The following GDF1 variants were observed in gnomAD, a reference collection of about 807,000 sequenced individuals.
The protein encoded by GDF1 is growth differentiation factor 1, also known as embryonic growth/differentiation factor 1.
A neutral mutation model predicts 7.4 loss-of-function variants in GDF1; 8 were observed. The observed-to-expected ratio is 1.09, with a 90% CI of 0.64 to 1.96. The LOEUF is 1.96. GDF1 is among the 30% of genes most tolerant of loss of function. The probability of loss-of-function intolerance (pLI) is 0.00; values close to 1 mark genes in which losing one functional copy is unlikely to be tolerated. For missense variants in GDF1, 574 were observed against 551.5 expected, an observed-to-expected ratio of 1.04 and a Z score of -0.41; for synonymous variants, 311 against 276.7, an observed-to-expected ratio of 1.12 and a Z score of -1.23.
chr19:18,885,521 T>TTTG (rs1555705577), intron 2 of GDF1, among the ~76,000 whole-genome samples: 3,235 of 134,772 alleles, frequency 0.024, 145 homozygotes, highest in Non-Finnish European at 0.035. Flanking sequence ...GTTTTTTTTT[T>TTTG]TTTTTTTTTT....
Position 18,880,556 on chromosome 19 carries a change from C to T in GDF1, c.-732-121G>A, listed in dbSNP as rs370583896. ...AGGCTCCCCGTGGGCCTCTTCAAAG[C>T]CACCCTTCCTGCCTCGCCTGCCCTG... is the stretch of plus-strand genomic sequence containing the variant. On this transcript the variant is annotated intron_variant, in intron 3 of 7. Coordinates refer to ENST00000247005, the MANE Select transcript of GDF1 (RefSeq NM_001492.6). 1.9e-5 allele frequency: 18 copies of T among 954,176 alleles called. No homozygotes were observed. The East Asian group carries it at 4.5e-4, about 24-fold the overall frequency. The allele number at this position is 954,176 out of a possible 1,614,324, so 59.1% of individuals were successfully genotyped here.
At position 18,879,267 on chromosome 19, in the gene GDF1, TGAGCAGCAGCAG is replaced by T; in HGVS notation, c.-461_-450del. The T allele has an allele frequency of 6.2e-7, 1 of 1,613,240 alleles. No individual in the cohort carries two copies. Among genetic ancestry groups the T allele is most frequent in the East Asian group, 2.2e-5 (1 of 44,860 alleles). On this transcript the variant is annotated 5_prime_UTR_variant, in exon 5 of 8. Transcript: ENST00000247005. ...AGGAACCAGTAGAGGTTCATAAGGG[TGAGCAGCAGCAG>T]GAGCGCATTGAAGAAGAAGTAGAAG...
chr19:18,886,272 G>A (rs2056357105), intron 2 of GDF1, among the ~76,000 whole-genome samples: 1 of 152,090 alleles, frequency 6.6e-6, no homozygotes, highest in African/African-American at 2.4e-5. Context: ...AGCTGGGGCC[G>A]GGCGCAGTGG....
chr19:18,893,933 A>T (rs532379408), intron 1 of GDF1, among the ~76,000 whole-genome samples: 8 of 144,068 alleles, frequency 5.6e-5, no homozygotes, highest in Non-Finnish European at 4.5e-5. Flanking sequence ...TGAAGGGAAC[A>T]TGGAGGGGGT....
chr19:18,878,522 G>C lies in GDF1; in HGVS notation c.-313+408C>G. The C allele has an allele frequency of 9.8e-7, 1 of 1,015,562 alleles. No individual in the cohort carries two copies. Among genetic ancestry groups the C allele is most frequent in the Non-Finnish European group, 1.2e-6 (1 of 847,158 alleles). 62.9% of individuals were successfully genotyped at this position (1,015,562 alleles called of 1,614,324 possible). ...CTGGGTTCTCTCTGTGGCCCTTGGC[G>C]TTCCTTCCTCCCCAGCCCCACTGCC... On this transcript the variant is annotated intron_variant, in intron 6 of 7. Transcript: ENST00000247005. This position sits in a 1 kb window ranked among gnomAD's most constrained non-coding sequence, Gnocchi z 4.6.
Position 18,895,876 on chromosome 19 carries a change from C to T in GDF1, c.-1126G>A, listed in dbSNP as rs1281696639. The stretch of plus-strand genomic sequence containing the variant: ...GCGCAGGGCGGTCCAGCCCAGCGCG[C>T]CGAGCGCCAGCAGCAGCAGCTCGGG... On this transcript the variant is annotated 5_prime_UTR_variant, in exon 1 of 8. Transcript: ENST00000247005. This position sits in a 1 kb window ranked among gnomAD's most constrained non-coding sequence, Gnocchi z 6.4. The T allele has an allele frequency of 1.6e-6, 2 of 1,284,748 alleles. No individual in the cohort carries two copies. Among genetic ancestry groups the T allele is most frequent in the South Asian group, 2.1e-5 (1 of 47,600 alleles). The allele number at this position is 1,284,748 out of a possible 1,614,324, so 79.6% of individuals were successfully genotyped here.
At position 18,895,978 on chromosome 19, in the gene GDF1, G is replaced by A. The variant is rs1387898936; in HGVS notation, c.-1228C>T. The A allele has an allele frequency of 9.5e-7, 1 of 1,052,026 alleles. No individual in the cohort carries two copies. 65.2% of individuals were successfully genotyped at this position (1,052,026 alleles called of 1,614,324 possible). ...GCAGTCCGTGCAGCCCCGCGCCGCC[G>A]CCAGCGCGCTGCCCCAGCCGCGCTG... On this transcript the variant is annotated 5_prime_UTR_variant, in exon 1 of 8. Coordinates refer to ENST00000247005, the MANE Select transcript of GDF1 (RefSeq NM_001492.6). The surrounding 1 kb of genome is among the most constrained non-coding windows in gnomAD (Gnocchi z 6.4).
rs577117307 is a variant in GDF1, at chr19:18,873,149, C to T, written c.-312-2530G>A. 7.9e-5 allele frequency among the ~76,000 whole-genome samples: 12 copies of T among 152,178 alleles called. No individual in the cohort carries two copies. The South Asian group carries it at 1.7e-3, about 21-fold the overall frequency. On this transcript the variant is annotated intron_variant, in intron 6 of 7. Coordinates refer to ENST00000247005, the MANE Select transcript of GDF1 (RefSeq NM_001492.6). ...TTTTGCCCCAAATTGCTGTCAACAC[C>T]GATAGACTAGTGTTGACACTAGTCT...
intron 2 of GDF1, among the ~76,000 whole-genome samples, chr19:18,890,873 T>A (rs1194132284): frequency 6.7e-6 from 1 of 149,776 alleles, no homozygotes; most frequent in African/African-American, 2.5e-5. Context: ...CCTGTAATCC[T>A]GACACTTTGG....
chr19:18,891,561 C>A (rs1405289662), intron 2 of GDF1, among the ~76,000 whole-genome samples: 1 of 152,052 alleles, frequency 6.6e-6, no homozygotes, highest in Non-Finnish European at 1.5e-5. Flanking sequence ...GACACAGCCA[C>A]TTCTTATCAT....
intron 6 of GDF1, chr19:18,877,975 C>T (rs1370824037): frequency 1.0e-6 from 1 of 985,374 alleles, no homozygotes; most frequent in East Asian, 1.1e-4. Context: ...GATGGGTTCT[C>T]CCTTCCAAAC....
intron 7 of GDF1, 109 bp downstream of exon 7, chr19:18,869,874 G>C (rs1198951966): frequency 2.2e-5 from 24 of 1,080,904 alleles, no homozygotes; most frequent in Admixed American, 8.0e-5. Context: ...GCCTGGACAG[G>C]GCGGGTGGGG....
chr19:18,869,055 G>C lies in GDF1; in HGVS notation c.661C>G (p.Pro221Ala), dbSNP rs1374868661. The change falls in exon 8 of 8, where the codon CCC becomes GCC. Residue 221 changes from proline to alanine, a missense_variant. Physicochemically the swap from Pro to Ala is conservative, Grantham distance 27. Transcript: ENST00000247005. ...CGCGCGCAGGCGGCAGGGGCCCGGGGGCGTAGCGCCAGCGCCAGGCGGAGG... is the reference window on the plus strand; with the variant it reads ...CGCGCGCAGGCGGCAGGGGCCCGGGCGCGTAGCGCCAGCGCCAGGCGGAGG... ...RSLRLALALR[P>A]RAPAACARLA... The C allele has an allele frequency of 3.8e-6, 4 of 1,062,986 alleles. No homozygotes were observed. The highest frequency in any genetic ancestry group is 4.5e-6 in the Non-Finnish European group (4 of 881,056). The allele number at this position is 1,062,986 out of a possible 1,614,324, so 65.8% of individuals were successfully genotyped here. A position where few individuals can be genotyped will look rare whatever the true frequency, so the allele number is the denominator to read the frequency against.
chr19:18,893,176 G>A (rs2056537323), intron 2 of GDF1, among the ~76,000 whole-genome samples: 1 of 152,006 alleles, frequency 6.6e-6, no homozygotes, highest in Non-Finnish European at 1.5e-5. Context: ...GCCTCCCAAA[G>A]TGCTGGGATT....
intron 2 of GDF1, among the ~76,000 whole-genome samples, chr19:18,892,633 C>T (rs1475880833): frequency 2.0e-5 from 3 of 151,930 alleles, no homozygotes; most frequent in Admixed American, 6.6e-5. Flanking sequence ...AAAACAACCA[C>T]ATCCAGAACA....
intron 6 of GDF1, among the ~76,000 whole-genome samples, chr19:18,874,821 G>T (rs918727876): frequency 1.3e-5 from 2 of 152,178 alleles, no homozygotes; most frequent in African/African-American, 4.8e-5. Context: ...AAGCAGCAAT[G>T]GGGTGAGATG....
At chr19:18,885,699 T>C (rs1236921147) in intron 2 of GDF1, among the ~76,000 whole-genome samples, 1 of 151,188 alleles carries the variant, frequency 6.6e-6, no homozygotes, top group East Asian at 1.9e-4. Flanking sequence ...TTTTTTTTTT[T>C]CAGTAGAGAC....
In GDF1 at chr19:18,896,038, C is replaced by T; in HGVS notation, c.-1288G>A. On this transcript the variant is annotated 5_prime_UTR_variant, in exon 1 of 8. Coordinates refer to ENST00000247005, the MANE Select transcript of GDF1 (RefSeq NM_001492.6). The surrounding 1 kb of genome is among the most constrained non-coding windows in gnomAD (Gnocchi z 5.9). ...CGCGTAGCTCGGCATGGGCTCGGGC[C>T]CCGTCGGCCCCGCCGCGGGCCCCGC... 1 of 990,206 alleles carries T rather than the reference C, an allele frequency of 1.0e-6. No homozygotes were observed. Among genetic ancestry groups the T allele is most frequent in the Non-Finnish European group, 1.2e-6 (1 of 834,678 alleles). The allele number at this position is 990,206 out of a possible 1,614,324, so 61.3% of individuals were successfully genotyped here.
chr19:18,872,244 T>C (rs1204134418), intron 6 of GDF1, among the ~76,000 whole-genome samples: 2 of 152,260 alleles, frequency 1.3e-5, no homozygotes, highest in African/African-American at 4.8e-5. Flanking sequence ...AGCTTCAAAG[T>C]GTTCTCTACC....
Sources: gnomAD v4.1 joint callset for allele counts (sites outside exome capture counted in the v4.1 genomes callset) on GRCh38, gnomAD v4.1.1 for gene constraint, Gnocchi (gnomAD v3.1) non-coding constraint, MANE v1.5 for transcripts, NCBI Gene and HGNC (gene_info 2026-07-23, HGNC 2026-07-21) for gene names.